The following CUX2 variants were observed in gnomAD, a reference collection of about 807,000 sequenced individuals.
CUX2 encodes the protein homeobox protein cut-like 2.
Under a neutral mutation model 144.8 loss-of-function variants are expected in CUX2, and 40 were observed. That is an observed-to-expected ratio of 0.28 (90% confidence interval 0.21 to 0.36). The LOEUF is 0.36. Among genes scored for constraint, CUX2 ranks in the 10% least tolerant of loss-of-function variants. The probability of loss-of-function intolerance (pLI) is 1.00; values close to 1 mark genes in which losing one functional copy is unlikely to be tolerated. For missense variants in CUX2, 1,615 were observed against 1,994.0 expected (o/e 0.81, Z 3.62); for synonymous variants, 827 against 875.6 (o/e 0.94, Z 0.98).
At chr12:111,217,717 G>A (rs1419795532) in intron 2 of CUX2, among the ~76,000 whole-genome samples, 173 bp from the exon 3 acceptor site, 1 of 152,178 alleles carries the variant, frequency 6.6e-6, no homozygotes, top group African/African-American at 2.4e-5. Context: ...TCCCAGTCTG[G>A]TGTGGCTTGG....
chr12:111,228,973 C>G (rs1381966433), intron 3 of CUX2, among the ~76,000 whole-genome samples: 1 of 152,046 alleles, frequency 6.6e-6, no homozygotes, highest in African/African-American at 2.4e-5. Flanking sequence ...CAAGTGAGAA[C>G]AGAGGTACAA....
rs1342369428 is a variant in CUX2 at position 111,330,704 on chromosome 12, T to TACAC, written c.2927-3736_2927-3735insCACA. Among the ~76,000 whole-genome samples the TACAC allele has an allele frequency of 7.0e-3, 129 of 18,314 alleles. 8 individuals are homozygous for TACAC. Among genetic ancestry groups the TACAC allele is most frequent in the African/African-American group, 0.027 (126 of 4,742 alleles). 12.0% of individuals were successfully genotyped at this position (18,314 alleles called of 152,430 possible). A position where few individuals can be genotyped will look rare whatever the true frequency, so the allele number is the denominator to read the frequency against. On this transcript the variant is annotated intron_variant, in intron 18 of 21. Transcript: ENST00000261726. ...ACATATACATATATATATATATATATATATATATATATATATATATATATA... is the reference window on the plus strand; with the variant it reads ...ACATATACATATATATATATATATATACACATATATATATATATATATATATATA...
At chr12:111,036,772 T>C (rs184126615) in intron 1 of CUX2, among the ~76,000 whole-genome samples, 2 of 152,176 alleles carry the variant, frequency 1.3e-5, no homozygotes, top group Admixed American at 1.3e-4. Flanking sequence ...AGCACACTTC[T>C]AGAAAGCAAA....
intron 3 of CUX2, among the ~76,000 whole-genome samples, chr12:111,242,189 G>A (rs946055166): frequency 1.3e-5 from 2 of 152,190 alleles, no homozygotes; most frequent in Admixed American, 1.3e-4. Flanking sequence ...ATTCATTATC[G>A]CATTGAATCC....
rs1015644320 is a variant in CUX2, at chr12:111,061,957, C to G, written c.63+27717C>G. Among the ~76,000 whole-genome samples, 1 of 152,214 alleles carries G rather than the reference C, an allele frequency of 6.6e-6. No individual in the cohort carries two copies. On this transcript the variant is annotated intron_variant, in intron 1 of 21. Coordinates refer to ENST00000261726, the MANE Select transcript of CUX2 (RefSeq NM_015267.4). The surrounding 1 kb of genome is among the most constrained non-coding windows in gnomAD (Gnocchi z 4.2). ...TGCACTCCATCTGTGCCTCAGCTTC[C>G]TCGCCTGTGAAATAGGTCGCCTCGC...
intron 18 of CUX2, among the ~76,000 whole-genome samples, chr12:111,330,724 T>C (rs58747643): frequency 0.055 from 2,803 of 51,300 alleles, 361 homozygotes; most frequent in South Asian, 0.2. Flanking sequence ...TATATATATA[T>C]ATATATATAT....
intron 20 of CUX2, 40 bp downstream of exon 20, chr12:111,338,514 C>T (rs1888450730): frequency 1.3e-6 from 2 of 1,560,602 alleles, no homozygotes; most frequent in Non-Finnish European, 1.7e-6. Flanking sequence ...CACTGGGTCT[C>T]AGATTTTCCC....
intron 3 of CUX2, among the ~76,000 whole-genome samples, chr12:111,249,430 ATAG>A (rs1883449760): frequency 7.7e-6 from 1 of 130,652 alleles, no homozygotes; most frequent in Non-Finnish European, 1.6e-5. Context: ...TTTTAAATTA[ATAG>A]ACCCTTTTTT....
intron 1 of CUX2, among the ~76,000 whole-genome samples, chr12:111,184,058 C>A (rs549117821): frequency 1.3e-4 from 20 of 152,284 alleles, no homozygotes; most frequent in African/African-American, 4.3e-4. Flanking sequence ...GGCATGGCTG[C>A]AGGAAAGAGG....
chr12:111,306,254 G>A (rs761630657), intron 10 of CUX2, among the ~76,000 whole-genome samples: 9 of 151,898 alleles, frequency 5.9e-5, no homozygotes, highest in African/African-American at 1.2e-4. Flanking sequence ...AATGGCATCC[G>A]CTTCCTGTTT....
At chr12:111,259,464 G>A (rs147386389) in intron 3 of CUX2, among the ~76,000 whole-genome samples, 1 of 152,056 alleles carries the variant, frequency 6.6e-6, no homozygotes, top group Non-Finnish European at 1.5e-5. Flanking sequence ...TTCACACCAA[G>A]GACCAAAGAT....
intron 1 of CUX2, among the ~76,000 whole-genome samples, chr12:111,080,992 G>A (rs1043755120): frequency 1.3e-5 from 2 of 152,196 alleles, no homozygotes; most frequent in South Asian, 2.1e-4. Context: ...TGTAACTGTC[G>A]GCTCCTAAAA....
At chr12:111,273,306 C>T (rs908777967) in intron 4 of CUX2, among the ~76,000 whole-genome samples, 13 of 152,288 alleles carry the variant, frequency 8.5e-5, no homozygotes. Flanking sequence ...ACTGATTCCA[C>T]ACACACCCAT....
chr12:111,201,907 G>A (rs1403240909), intron 1 of CUX2, among the ~76,000 whole-genome samples: 2 of 152,176 alleles, frequency 1.3e-5, no homozygotes, highest in East Asian at 3.9e-4. Context: ...TTGCCTGATT[G>A]TGACCTTGAG....
chr12:111,046,873 T>TA (rs1290687999), intron 1 of CUX2, among the ~76,000 whole-genome samples: 1 of 152,196 alleles, frequency 6.6e-6, no homozygotes, highest in Non-Finnish European at 1.5e-5. Flanking sequence ...GCCAGGCTGG[T>TA]CTTGAATTCG....
At position 111,246,412 on chromosome 12, in the gene CUX2, C is replaced by G. The variant is rs1883283179; in HGVS notation, c.223-17349C>G. On this transcript the variant is annotated intron_variant, in intron 3 of 21. Coordinates refer to ENST00000261726, the MANE Select transcript of CUX2 (RefSeq NM_015267.4). This position sits in a 1 kb window ranked among gnomAD's most constrained non-coding sequence, Gnocchi z 4.0. ...ATTTCTAGACTTAATACATATAAAG[C>G]ACTTAAAACGGTGCCCAGCACACTG... Among the ~76,000 whole-genome samples, 1 of 152,170 alleles carries G rather than the reference C, an allele frequency of 6.6e-6. No homozygotes were observed. The highest frequency in any genetic ancestry group is 2.1e-4 in the South Asian group (1 of 4,836).
At position 111,055,207 on chromosome 12, in the gene CUX2, T is replaced by C. The variant is rs151181671; in HGVS notation, c.63+20967T>C. Among the ~76,000 whole-genome samples the C allele has an allele frequency of 1.8e-3, 271 of 152,362 alleles. 1 individual carries two copies. Among genetic ancestry groups the C allele is most frequent in the African/African-American group, 6.2e-3 (256 of 41,590 alleles). ...GTCTAATGTGATGATGGGTGGCTCT[T>C]GGTGGACCATGTTGTCTGGCAGGAG... On this transcript the variant is annotated intron_variant, in intron 1 of 21. Coordinates refer to ENST00000261726, the MANE Select transcript of CUX2 (RefSeq NM_015267.4).
intron 1 of CUX2, among the ~76,000 whole-genome samples, chr12:111,172,718 G>A (rs1878624333): frequency 6.6e-6 from 1 of 152,212 alleles, no homozygotes; most frequent in Non-Finnish European, 1.5e-5. Flanking sequence ...AGGAGTCTGT[G>A]TCTTGTCAAC....
rs879639498 is a variant in CUX2, at chr12:111,320,861, C to T, written c.2766+86C>T. 4 of 1,345,634 alleles carry T rather than the reference C, an allele frequency of 3.0e-6. No individual in the cohort carries two copies. In the Admixed American group the frequency reaches 1.3e-4, roughly 43 times the overall value. 83.4% of individuals were successfully genotyped at this position (1,345,634 alleles called of 1,614,324 possible). On this transcript the variant is annotated intron_variant, in intron 17 of 21. Transcript: ENST00000261726. This position sits in a 1 kb window ranked among gnomAD's most constrained non-coding sequence, Gnocchi z 8.1. ...TGCCCACCCAAGCAGGCTGGCGGGA[C>T]CCCAGGGGCCCAGGCCCTTCATTCC...
Sources: allele counts gnomAD v4.1 joint callset (sites outside exome capture counted in the v4.1 genomes callset), GRCh38; gene constraint gnomAD v4.1.1; non-coding constraint Gnocchi (gnomAD v3.1); transcripts MANE v1.5; gene names NCBI Gene and HGNC (gene_info 2026-07-23, HGNC 2026-07-21).